ELMO1: variants seen among roughly 807,000 people sequenced by gnomAD.
The protein encoded by ELMO1 is engulfment and cell motility 1.
Under a neutral mutation model 98.9 loss-of-function variants are expected in ELMO1, and 26 were observed. The observed-to-expected ratio is 0.26, with a 90% confidence interval of 0.19 to 0.36. The LOEUF is 0.36. ELMO1 is among the 10% of genes least tolerant of loss of function. The probability of loss-of-function intolerance (pLI) is 1.00; values close to 1 mark genes in which losing one functional copy is unlikely to be tolerated. For missense variants in ELMO1, 627 were observed against 935.2 expected, an observed-to-expected ratio of 0.67 and a Z score of 4.30; for synonymous variants, 346 against 346.0, an observed-to-expected ratio of 1.00 and a Z score of 0.00.
chr7:36,936,347 G>A (rs751594793), intron 16 of ELMO1, among the ~76,000 whole-genome samples: 1 of 152,218 alleles, frequency 6.6e-6, no homozygotes, highest in Non-Finnish European at 1.5e-5. Context: ...GGAGGGAAGA[G>A]CCCAGGGAAT....
intron 15 of ELMO1, among the ~76,000 whole-genome samples, chr7:37,072,544 C>T (rs1179313345): frequency 6.6e-6 from 1 of 152,194 alleles, no homozygotes; most frequent in African/African-American, 2.4e-5. Context: ...TTCTTATGAA[C>T]TCGGAATGCA....
intron 1 of ELMO1, chr7:37,353,657 AC>A (rs1284984615): frequency 6.6e-6 from 1 of 152,028 alleles, no homozygotes; most frequent in East Asian, 1.9e-4. Context: ...GGCTCAGGTG[AC>A]CTGCGTTTAT....
In ELMO1 at chr7:36,870,342, G is replaced by A; in HGVS notation, c.1905+51C>T. ...AAGGAGGGCTAGGCTGGCTGCAGTT[G>A]CCGACCGCACTGGGCAAATAGAGCT... is the stretch of plus-strand genomic sequence containing the variant. On this transcript the variant is annotated intron_variant, in intron 20 of 21. Coordinates refer to ENST00000310758, the MANE Select transcript of ELMO1 (RefSeq NM_014800.11). This position sits in a 1 kb window ranked among gnomAD's most constrained non-coding sequence, Gnocchi z 4.4. 1 of 1,577,778 alleles carries A rather than the reference G, an allele frequency of 6.3e-7. No individual in the cohort carries two copies. Among genetic ancestry groups the A allele is most frequent in the Non-Finnish European group, 8.7e-7 (1 of 1,148,784 alleles).
At chr7:37,208,351 T>A (rs1448200930) in intron 13 of ELMO1, among the ~76,000 whole-genome samples, 4 of 152,188 alleles carry the variant, frequency 2.6e-5, no homozygotes, top group Non-Finnish European at 5.9e-5. Context: ...TAAAATTAAA[T>A]CTAGGCCCAG....
intron 15 of ELMO1, among the ~76,000 whole-genome samples, chr7:37,039,515 G>C (rs181356118): frequency 6.6e-6 from 1 of 152,312 alleles, no homozygotes; most frequent in Admixed American, 6.5e-5. Context: ...AACAATAAGT[G>C]GTACTGAAAT....
intron 2 of ELMO1, among the ~76,000 whole-genome samples, chr7:37,328,553 T>C (rs554840730): frequency 2.6e-5 from 4 of 152,226 alleles, no homozygotes; most frequent in Non-Finnish European, 5.9e-5. Flanking sequence ...CAAGCCCAGG[T>C]GCTCAGCGCT....
At position 36,984,464 on chromosome 7, in the gene ELMO1, C is replaced by T. The variant is rs147677579; in HGVS notation, c.1437+28835G>A. Among the ~76,000 whole-genome samples the T allele has an allele frequency of 1.8e-3, 270 of 152,320 alleles. 1 individual carries two copies. The highest frequency in any genetic ancestry group is 6.1e-3 in the African/African-American group (253 of 41,556). The stretch of plus-strand genomic sequence containing the variant: ...AGAAGGTCTCTCCCAGACACCCAGT[C>T]GCCCTCACCCTGCCTTGAGTCTTCT... On this transcript the variant is annotated intron_variant, in intron 16 of 21. Coordinates refer to ENST00000310758, the MANE Select transcript of ELMO1 (RefSeq NM_014800.11).
At chr7:37,393,879 C>T (rs75867292) in intron 1 of ELMO1, 9,245 of 152,232 alleles carry the variant, frequency 0.061, 369 homozygotes, top group Non-Finnish European at 0.086. Context: ...TCTGTATCTT[C>T]TCTGCCTTGT....
intron 13 of ELMO1, among the ~76,000 whole-genome samples, chr7:37,190,920 G>C (rs1211579586): frequency 6.6e-6 from 1 of 151,990 alleles, no homozygotes; most frequent in Non-Finnish European, 1.5e-5. Flanking sequence ...CAGGCACGGT[G>C]GCTCAAGCCT....
In ELMO1 at chr7:37,073,234, C is replaced by A. The variant is rs574383089; in HGVS notation, c.1300+23385G>T. On this transcript the variant is annotated intron_variant, in intron 15 of 21. Transcript: ENST00000310758. Reference sequence around the variant, plus strand: ...GCTATCTAGTCATTAAAGAATATGCCCTTGAAGGATATTTTAAGATATAGA... The same window carrying A: ...GCTATCTAGTCATTAAAGAATATGCACTTGAAGGATATTTTAAGATATAGA... Among the ~76,000 whole-genome samples the A allele has an allele frequency of 1.1e-4, 16 of 151,888 alleles. 1 individual carries two copies. In the South Asian group the frequency reaches 3.1e-3, roughly 30 times the overall value.
chr7:36,957,554 A>G (rs1788572108), intron 16 of ELMO1, among the ~76,000 whole-genome samples: 1 of 133,392 alleles, frequency 7.5e-6, no homozygotes, highest in African/African-American at 4.2e-5. Context: ...CAGTTCCACA[A>G]CCCTCCTCAA....
In ELMO1 at chr7:36,887,577, T is replaced by A; in HGVS notation, c.1697A>T (p.Asn566Ile). The part of the protein sequence containing the change: ...LVEGTCFRKL[N>I]ARRRQDKFWY... ...AACAATACCTTGCCTCCGCCGGGCA[T>A]TGAGTTTCCTAAAGCAGGTCCCTTC... is the stretch of plus-strand genomic sequence containing the variant. Residue 566 changes from asparagine (N) to isoleucine (I), a missense_variant, in exon 18 of 22, where the codon AAT becomes ATT. By Grantham distance (149) the Asn-to-Ile change is moderately radical. This residue lies in a region of ELMO1 where 492 missense variants were observed against 715.6 expected (regional missense o/e 0.69). Transcript: ENST00000310758. 1 of 1,614,082 alleles carries A rather than the reference T, an allele frequency of 6.2e-7. No individual in the cohort carries two copies. The highest frequency in any genetic ancestry group is 8.5e-7 in the Non-Finnish European group (1 of 1,179,938).
At chr7:37,073,599 T>G (rs79807126) in intron 15 of ELMO1, among the ~76,000 whole-genome samples, 4 of 135,826 alleles carry the variant, frequency 2.9e-5, no homozygotes, top group African/African-American at 8.1e-5. Flanking sequence ...TGTGTGCATG[T>G]TTTTTTTTTT....
At chr7:37,049,528 G>T (rs144845752) in intron 15 of ELMO1, among the ~76,000 whole-genome samples, 2,610 of 152,200 alleles carry the variant, frequency 0.017, 31 homozygotes, top group Non-Finnish European at 0.025. Flanking sequence ...CTTCTTGGGA[G>T]CCTGCTGTAT....
intron 16 of ELMO1, among the ~76,000 whole-genome samples, chr7:36,920,047 C>T (rs1240106544): frequency 6.6e-6 from 1 of 152,162 alleles, no homozygotes; most frequent in Non-Finnish European, 1.5e-5. Flanking sequence ...GAATGATGTC[C>T]AATCACTTTC....
chr7:37,365,602 T>C (rs1164077337), intron 1 of ELMO1, among the ~76,000 whole-genome samples: 1 of 152,194 alleles, frequency 6.6e-6, no homozygotes, highest in Non-Finnish European at 1.5e-5. Context: ...TCAGCCATCA[T>C]AGAAGTTCAA....
intron 16 of ELMO1, among the ~76,000 whole-genome samples, chr7:36,939,158 T>A (rs1786799213): frequency 6.6e-6 from 1 of 151,520 alleles, no homozygotes; most frequent in African/African-American, 2.5e-5. Context: ...TTTTAACACA[T>A]TTAAGAAATG....
At chr7:37,079,504 C>T (rs1797750654) in intron 15 of ELMO1, among the ~76,000 whole-genome samples, 2 of 152,158 alleles carry the variant, frequency 1.3e-5, no homozygotes, top group Admixed American at 6.5e-5. Flanking sequence ...ATCAGTGGCC[C>T]ACACTGAGCA....
chr7:37,323,187 A>G (rs1178309572), intron 2 of ELMO1, among the ~76,000 whole-genome samples: 1 of 152,232 alleles, frequency 6.6e-6, no homozygotes, highest in Non-Finnish European at 1.5e-5. Context: ...TATTTGTTAA[A>G]TGAAGTATGC....
Sources: gnomAD v4.1 joint callset for allele counts (sites outside exome capture counted in the v4.1 genomes callset) on GRCh38, gnomAD v4.1.1 for gene constraint, gnomAD v4.1.1 regional missense constraint, Gnocchi (gnomAD v3.1) non-coding constraint, MANE v1.5 for transcripts, NCBI Gene and HGNC (gene_info 2026-07-23, HGNC 2026-07-21) for gene names.